The following PPARG variants were observed in gnomAD, a reference collection of about 807,000 sequenced individuals.
PPARG encodes peroxisome proliferator-activated receptor gamma.
PPARG carries 17 observed loss-of-function variants against 39.2 expected under a neutral mutation model. The observed-to-expected ratio is 0.43, with a 90% CI of 0.30 to 0.65. The LOEUF is 0.65. PPARG is among the 30% of genes least tolerant of loss of function. PPARG has a pLI of 0.13. For synonymous variants in PPARG, 223 were observed against 215.7 expected, an observed-to-expected ratio of 1.03 and a Z score of -0.30; for missense variants, 406 against 585.9, an observed-to-expected ratio of 0.69 and a Z score of 3.17.
At chr3:12,388,477 G>A (rs552014614) in intron 4 of PPARG, among the ~76,000 whole-genome samples, 1 of 152,210 alleles carries the variant, frequency 6.6e-6, no homozygotes, top group East Asian at 1.9e-4. Flanking sequence ...GTGAGAAGGA[G>A]CTAAGTGTAG....
rs543166480 is a variant in PPARG, at chr3:12,355,173, C to A, written c.-8-24531C>A. 2.6e-5 allele frequency among the ~76,000 whole-genome samples: 4 copies of A among 152,130 alleles called. No homozygotes were observed. In the South Asian group the frequency reaches 8.3e-4, roughly 32 times the overall value. ...TTTGAGACAGAGCCTCACTCTGTCACCCAGGCTAGAGTGCAGAGGCCTGAT... is the reference window on the plus strand; with the variant it reads ...TTTGAGACAGAGCCTCACTCTGTCAACCAGGCTAGAGTGCAGAGGCCTGAT... On this transcript the variant is annotated intron_variant, in intron 2 of 7. Transcript: ENST00000651735.
intron 2 of PPARG, among the ~76,000 whole-genome samples, chr3:12,332,620 G>A (rs556367042): frequency 6.3e-4 from 96 of 152,222 alleles, no homozygotes; most frequent in Middle Eastern, 3.4e-3. Context: ...ACATTCCTCA[G>A]CATTATTAAT....
intron 5 of PPARG, chr3:12,399,321 C>T: frequency 6.6e-6 from 3 of 456,170 alleles, no homozygotes; most frequent in South Asian, 4.7e-5. Flanking sequence ...AATATTAGTG[C>T]TAAAGTTGCT....
At chr3:12,417,437 C>T (rs1480227273) in intron 7 of PPARG, among the ~76,000 whole-genome samples, 9 of 152,036 alleles carry the variant, frequency 5.9e-5, no homozygotes, top group Admixed American at 5.9e-4. Context: ...CTTTTCTTTT[C>T]TTTGTCTCTT....
intron 5 of PPARG, among the ~76,000 whole-genome samples, chr3:12,395,981 T>A (rs1245805913): frequency 6.6e-6 from 1 of 152,226 alleles, no homozygotes; most frequent in East Asian, 1.9e-4. Flanking sequence ...ATAAAAAGAC[T>A]CATGGATAAT....
intron 2 of PPARG, among the ~76,000 whole-genome samples, chr3:12,368,541 A>G (rs906416486): frequency 3.3e-5 from 5 of 152,336 alleles, no homozygotes; most frequent in African/African-American, 9.6e-5. Context: ...CAGAGAAACC[A>G]TGACAGAATT....
Position 12,409,339 on chromosome 3 carries a change from C to T in PPARG, c.729+3258C>T, listed in dbSNP as rs147667955. Among the ~76,000 whole-genome samples the T allele has an allele frequency of 8.2e-3, 1,250 of 152,172 alleles. 9 individuals are homozygous for T. Among genetic ancestry groups the T allele is most frequent in the Non-Finnish European group, 0.011 (770 of 67,998 alleles). ...ACAAAACTAAACTACAATTGTTTGGCACCCTCTCTTCTCCTTATCTTGCAA... is the reference window on the plus strand; with the variant it reads ...ACAAAACTAAACTACAATTGTTTGGTACCCTCTCTTCTCCTTATCTTGCAA... On this transcript the variant is annotated intron_variant, in intron 6 of 7. Transcript: ENST00000651735.
intron 2 of PPARG, among the ~76,000 whole-genome samples, chr3:12,373,051 A>G (rs980409388): frequency 1.3e-5 from 2 of 152,168 alleles, no homozygotes; most frequent in Non-Finnish European, 2.9e-5. Flanking sequence ...TCATGCAAAT[A>G]TTTTGTTCAT....
In PPARG at chr3:12,352,062, A is replaced by G. The variant is rs2048505536; in HGVS notation, c.-8-27642A>G. 1.3e-5 allele frequency among the ~76,000 whole-genome samples: 2 copies of G among 152,160 alleles called. 1 individual carries two copies. The highest frequency in any genetic ancestry group is 4.1e-4 in the South Asian group (2 of 4,832). On this transcript the variant is annotated intron_variant, in intron 2 of 7. Coordinates refer to ENST00000651735, the MANE Select transcript of PPARG (RefSeq NM_138711.6). The stretch of plus-strand genomic sequence containing the variant: ...TCATCTCATATGTTAGAGATCTCTC[A>G]TAACTGTTTTTATCCCTCTTGCAGC...
chr3:12,431,865 A>G (rs982505917), intron 7 of PPARG, among the ~76,000 whole-genome samples: 3 of 152,132 alleles, frequency 2.0e-5, no homozygotes, highest in Non-Finnish European at 1.5e-5. Context: ...ACCTGAACCC[A>G]GGAGTTGGAG....
intron 2 of PPARG, among the ~76,000 whole-genome samples, chr3:12,313,212 C>T (rs1306983723): frequency 6.6e-6 from 1 of 152,056 alleles, no homozygotes; most frequent in Admixed American, 6.5e-5. Context: ...AAATCCACAA[C>T]ATTGAATAAA....
At chr3:12,358,561 A>G (rs1224160093) in intron 2 of PPARG, among the ~76,000 whole-genome samples, 1 of 152,194 alleles carries the variant, frequency 6.6e-6, no homozygotes, top group Non-Finnish European at 1.5e-5. Flanking sequence ...TCTTACTATT[A>G]TCTATACTTT....
intron 6 of PPARG, among the ~76,000 whole-genome samples, chr3:12,414,338 TGTG>T (rs1295998955): frequency 1.3e-5 from 2 of 152,156 alleles, no homozygotes; most frequent in Non-Finnish European, 2.9e-5. Flanking sequence ...AAAGGCTAGT[TGTG>T]GTGGCTCACA....
chr3:12,290,230 C>G (rs1297664044), intron 1 of PPARG, among the ~76,000 whole-genome samples: 1 of 151,912 alleles, frequency 6.6e-6, no homozygotes, highest in African/African-American at 2.4e-5. Context: ...AAGTTTGTTT[C>G]TAGTTCTTAA....
chr3:12,379,610 G>A, intron 2 of PPARG, 94 bp from the exon 3 acceptor site: 3 of 1,190,654 alleles, frequency 2.5e-6, no homozygotes, highest in Non-Finnish European at 3.7e-6. Context: ...AGATTACTTT[G>A]CCAAAGACTC....
intron 2 of PPARG, among the ~76,000 whole-genome samples, chr3:12,335,872 G>A (rs1458530246): frequency 6.6e-6 from 1 of 152,052 alleles, no homozygotes; most frequent in Non-Finnish European, 1.5e-5. Context: ...CACTGACCTA[G>A]TTTCTAGTTG....
upstream of PPARG, among the ~76,000 whole-genome samples, chr3:12,288,572 C>T (rs1036199646): frequency 1.3e-5 from 2 of 152,190 alleles, no homozygotes; most frequent in Admixed American, 6.5e-5. Flanking sequence ...GTGCGTCCGT[C>T]CTGAGGCCGC....
At chr3:12,417,902 C>CTTTT (rs869086237) in intron 7 of PPARG, among the ~76,000 whole-genome samples, 978 of 65,772 alleles carry the variant, frequency 0.015, 66 homozygotes, top group Middle Eastern at 0.033. Flanking sequence ...TTTTTTTTTC[C>CTTTT]TTTTTTTTTT....
At chr3:12,305,297 C>T (rs1389871017) in intron 1 of PPARG, among the ~76,000 whole-genome samples, 2 of 152,030 alleles carry the variant, frequency 1.3e-5, no homozygotes, top group Admixed American at 1.3e-4. Flanking sequence ...ATTTTTTATT[C>T]TGAATTTAAC....
Sources: gnomAD v4.1 joint callset for allele counts (sites outside exome capture counted in the v4.1 genomes callset) on GRCh38, gnomAD v4.1.1 for gene constraint, MANE v1.5 for transcripts, NCBI Gene and HGNC (gene_info 2026-07-23, HGNC 2026-07-21) for gene names.